The following SRC variants were observed in gnomAD, a reference collection of about 807,000 sequenced individuals.
SRC encodes the protein SRC proto-oncogene, non-receptor tyrosine kinase, also known as proto-oncogene tyrosine-protein kinase Src.
A neutral mutation model predicts 62.9 loss-of-function variants in SRC; 13 were observed. The ratio of observed to expected loss-of-function variants is 0.21; its 90% CI spans 0.13 to 0.33. The LOEUF is 0.33. Among genes scored for constraint, SRC ranks in the 10% least tolerant of loss-of-function variants. The probability of loss-of-function intolerance (pLI) is 1.00; values close to 1 mark genes in which losing one functional copy is unlikely to be tolerated. For missense variants in SRC, 457 were observed against 737.3 expected, an observed-to-expected ratio of 0.62 and a Z score of 4.40; for synonymous variants, 302 against 317.5, an observed-to-expected ratio of 0.95 and a Z score of 0.52.
Position 37,396,430 on chromosome 20 carries a change from C to T in SRC, c.703+119C>T. 9.0e-7 allele frequency: 1 copy of T among 1,108,446 alleles called. No individual in the cohort carries two copies. The highest frequency in any genetic ancestry group is 2.5e-5 in the East Asian group (1 of 39,322). The allele number at this position is 1,108,446 out of a possible 1,614,324, so 68.7% of individuals were successfully genotyped here. A position where few individuals can be genotyped will look rare whatever the true frequency, so the allele number is the denominator to read the frequency against. On this transcript the variant is annotated intron_variant, in intron 8 of 13. Transcript: ENST00000373578. This position sits in a 1 kb window ranked among gnomAD's most constrained non-coding sequence, Gnocchi z 6.1. ...TGTTATCCTGCTTCTCTCCCCACTT[C>T]CCCCTCCCCCCTCCCTTCCTCTCTC...
At chr20:37,358,365 C>T (rs2069914723) in intron 1 of SRC, among the ~76,000 whole-genome samples, 1 of 152,158 alleles carries the variant, frequency 6.6e-6, no homozygotes, top group South Asian at 2.1e-4. Flanking sequence ...TTTCAGGTAA[C>T]TCAGCACCTT....
rs1432335605 is a variant in SRC, at chr20:37,396,259, C to A, written c.651C>A (p.Ile217=). ...AGCTGGACAGCGGCGGCTTCTACAT[C>A]ACCTCCCGCACCCAGTTCAACAGCC... The part of the protein sequence containing the change: ...IRKLDSGGFY[I]TSRTQFNSLQ... The change falls in exon 8 of 14, where the codon ATC becomes ATA. Residue 217 remains isoleucine (I), a synonymous_variant. Coordinates refer to ENST00000373578, the MANE Select transcript of SRC (RefSeq NM_198291.3). The surrounding 1 kb of genome is among the most constrained non-coding windows in gnomAD (Gnocchi z 6.1). 1 of 1,613,966 alleles carries A rather than the reference C, an allele frequency of 6.2e-7. No individual in the cohort carries two copies. The highest frequency in any genetic ancestry group is 8.5e-7 in the Non-Finnish European group (1 of 1,179,982).
intron 1 of SRC, 142 bp downstream of exon 1, chr20:37,346,397 G>A (rs2069721548): frequency 6.7e-6 from 1 of 150,370 alleles, no homozygotes; most frequent in Admixed American, 6.6e-5. Context: ...TCCGGGCCAA[G>A]CCGCGATACC....
chr20:37,402,681 T>A lies in SRC; in HGVS notation c.1271-68T>A. ...TTTTTTCCTCAGCTGTCATTCCTCA[T>A]GGTGCTTATCTAGCAGAGCGGTCAT... is the stretch of plus-strand genomic sequence containing the variant. On this transcript the variant is annotated intron_variant, in intron 12 of 13. Transcript: ENST00000373578. The surrounding 1 kb of genome is among the most constrained non-coding windows in gnomAD (Gnocchi z 6.2). 4.4e-6 allele frequency: 7 copies of A among 1,573,742 alleles called. No individual in the cohort carries two copies. Among genetic ancestry groups the A allele is most frequent in the Non-Finnish European group, 6.0e-6 (7 of 1,157,080 alleles).
chr20:37,368,643 C>T (rs1272074819), intron 2 of SRC, among the ~76,000 whole-genome samples: 1 of 140,866 alleles, frequency 7.1e-6, no homozygotes. Context: ...AGCTCCGCCT[C>T]CCGGGTTCAC....
At chr20:37,373,206 C>A (rs75641750) in intron 2 of SRC, among the ~76,000 whole-genome samples, 5 of 150,640 alleles carry the variant, frequency 3.3e-5, no homozygotes, top group East Asian at 2.0e-4. Flanking sequence ...ATGTACATAT[C>A]TACACACATG....
chr20:37,378,072 A>T, intron 2 of SRC, among the ~76,000 whole-genome samples: 1 of 143,380 alleles, frequency 7.0e-6, no homozygotes. Flanking sequence ...TATTATTATT[A>T]TTTTATTTTT....
At chr20:37,386,006 G>T in intron 4 of SRC, 69 bp from the exon 5 acceptor site, 1 of 1,282,038 alleles carries the variant, frequency 7.8e-7, no homozygotes. Context: ...CCTGGGTACA[G>T]GGCCATCCTG....
Position 37,400,301 on chromosome 20 carries a change from C to A in SRC, c.1039+7C>A, listed in dbSNP as rs775036212. 1.1e-5 allele frequency: 18 copies of A among 1,602,684 alleles called. No homozygotes were observed. The highest frequency in any genetic ancestry group is 3.3e-4 in the Middle Eastern group (2 of 6,018). ...ACGGAGTACATGAGCAAGGGTGAGTCCTGGGCGGCCGGGGCAGGGGGCAGG... is the reference window on the plus strand; with the variant it reads ...ACGGAGTACATGAGCAAGGGTGAGTACTGGGCGGCCGGGGCAGGGGGCAGG... On this transcript the variant is annotated splice_region_variant and intron_variant, in intron 10 of 13. Transcript: ENST00000373578.
intron 10 of SRC, 78 bp downstream of exon 10, chr20:37,400,372 G>A: frequency 7.6e-7 from 1 of 1,321,836 alleles, no homozygotes. Context: ...TTCCTCTCAT[G>A]TCTAGAATGG....
intron 9 of SRC, among the ~76,000 whole-genome samples, chr20:37,399,219 A>T (rs1164882112): frequency 6.6e-6 from 1 of 152,162 alleles, no homozygotes; most frequent in Non-Finnish European, 1.5e-5. Context: ...AGAGAGGGGA[A>T]CTGACTCTCC....
At chr20:37,391,481 T>C (rs2070546867) in intron 5 of SRC, among the ~76,000 whole-genome samples, 1 of 152,298 alleles carries the variant, frequency 6.6e-6, no homozygotes, top group South Asian at 2.1e-4. Context: ...AGAGAGCTGT[T>C]TTCTGTGATT....
Position 37,386,130 on chromosome 20 carries a change from C to A in SRC, c.306C>A (p.Asp102Glu). 6.2e-7 allele frequency: 1 copy of A among 1,614,204 alleles called. No homozygotes were observed. Among genetic ancestry groups the A allele is most frequent in the Non-Finnish European group, 8.5e-7 (1 of 1,180,034 alleles). ...LYDYESRTET[D>E]LSFKKGERLQ... ...ACTATGAGTCTAGGACGGAGACAGACCTGTCCTTCAAGAAAGGCGAGCGGC... is the reference window on the plus strand; with the variant it reads ...ACTATGAGTCTAGGACGGAGACAGAACTGTCCTTCAAGAAAGGCGAGCGGC... The change falls in exon 5 of 14, where the codon GAC becomes GAA. Residue 102 changes from aspartate (D) to glutamate (E), a missense_variant. Asp to Glu is a conservative substitution (Grantham distance 45). Around this residue, in one of 4 missense-constraint regions of SRC, gnomAD observed 16 missense variants for 45.7 expected, o/e 0.35. Coordinates refer to ENST00000373578, the MANE Select transcript of SRC (RefSeq NM_198291.3).
chr20:37,367,800 C>G (rs879523106), intron 2 of SRC, among the ~76,000 whole-genome samples: 3 of 151,886 alleles, frequency 2.0e-5, no homozygotes, highest in Non-Finnish European at 4.4e-5. Context: ...GCATGCAACA[C>G]CACGCCTGGC....
Position 37,347,601 on chromosome 20 carries a change from C to G in SRC, c.-247+1346C>G, listed in dbSNP as rs189307133. On this transcript the variant is annotated intron_variant, in intron 1 of 13. Coordinates refer to ENST00000373578, the MANE Select transcript of SRC (RefSeq NM_198291.3). ...GGTTGGTGCCTTGAGAAAGAAATAGCCCTGGCACCGTCCTGCCAGCCAGCA... is the reference window on the plus strand; with the variant it reads ...GGTTGGTGCCTTGAGAAAGAAATAGGCCTGGCACCGTCCTGCCAGCCAGCA... Among the ~76,000 whole-genome samples, 57 of 152,340 alleles carry G rather than the reference C, an allele frequency of 3.7e-4. 1 individual carries two copies. In the East Asian group the frequency reaches 6.7e-3, roughly 18 times the overall value.
chr20:37,391,971 C>T (rs2070557481), intron 5 of SRC, among the ~76,000 whole-genome samples: 1 of 152,222 alleles, frequency 6.6e-6, no homozygotes, highest in Non-Finnish European at 1.5e-5. Flanking sequence ...GGAGCCCTGC[C>T]TTCCTCCCTT....
chr20:37,401,815 G>A (rs1357182595), intron 11 of SRC, 137 bp downstream of exon 11: 32 of 585,952 alleles, frequency 5.5e-5, no homozygotes, highest in East Asian at 3.2e-4. Context: ...TGATCTTGCC[G>A]CACGTATTTA....
At chr20:37,394,370 G>A in intron 7 of SRC, 93 bp downstream of exon 7, 1 of 1,165,918 alleles carries the variant, frequency 8.6e-7, no homozygotes, top group Non-Finnish European at 1.3e-6. Context: ...GGTTTGTGGA[G>A]TAGGGAGGGA....
intron 2 of SRC, among the ~76,000 whole-genome samples, chr20:37,372,819 C>A (rs1019375085): frequency 2.0e-5 from 3 of 151,954 alleles, no homozygotes; most frequent in African/African-American, 7.3e-5. Context: ...AAAAAAAACA[C>A]CCTTACCTAT....
Sources: gnomAD v4.1 joint callset for allele counts (sites outside exome capture counted in the v4.1 genomes callset) on GRCh38, gnomAD v4.1.1 for gene constraint, gnomAD v4.1.1 regional missense constraint, Gnocchi (gnomAD v3.1) non-coding constraint, MANE v1.5 for transcripts, NCBI Gene and HGNC (gene_info 2026-07-23, HGNC 2026-07-21) for gene names.